LIPA: variants seen among roughly 807,000 people sequenced by gnomAD.
LIPA encodes the protein lysosomal acid lipase/cholesteryl ester hydrolase.
Under a neutral mutation model 40.6 loss-of-function variants are expected in LIPA, and 26 were observed. The ratio of observed to expected loss-of-function variants is 0.64; its 90% confidence interval spans 0.47 to 0.89. The LOEUF is 0.89. Ranked by LOEUF, LIPA falls within the 40% of genes least tolerant of loss-of-function variation. The probability of loss-of-function intolerance (pLI) is 0.00; values close to 1 mark genes in which losing one functional copy is unlikely to be tolerated. For missense variants in LIPA, 455 were observed against 479.6 expected, an observed-to-expected ratio of 0.95 and a Z score of 0.48; for synonymous variants, 188 against 168.4, an observed-to-expected ratio of 1.12 and a Z score of -0.90.
intron 2 of LIPA, among the ~76,000 whole-genome samples, chr10:89,382,754 C>A (rs1270321883): frequency 6.6e-6 from 1 of 152,254 alleles, no homozygotes. Context: ...TAAGTGCACA[C>A]AGGCAAAGGA....
intron 2 of LIPA, chr10:89,378,053 C>T: frequency 6.8e-7 from 1 of 1,477,148 alleles, no homozygotes; most frequent in Non-Finnish European, 9.5e-7. Context: ...TCTGAGAAGC[C>T]CTAGAACTCT....
intron 1 of LIPA, among the ~76,000 whole-genome samples, chr10:89,315,734 A>G (rs1843538041): frequency 6.6e-6 from 1 of 152,214 alleles, no homozygotes; most frequent in Non-Finnish European, 1.5e-5. Context: ...TTGGAAAGCT[A>G]AACAGCTCAC....
chr10:89,384,745 G>A, intron 2 of LIPA: 1 of 1,582,962 alleles, frequency 6.3e-7, no homozygotes, highest in Non-Finnish European at 8.6e-7. Context: ...TTAACATAGA[G>A]GTCACCATTA....
intron 2 of LIPA, among the ~76,000 whole-genome samples, chr10:89,386,946 AGTGTGT>A (rs756939371): frequency 5.6e-5 from 7 of 125,870 alleles, no homozygotes; most frequent in African/African-American, 1.4e-4. Flanking sequence ...TGGGTATATG[AGTGTGT>A]GTGTGTGTGT....
intron 1 of LIPA, among the ~76,000 whole-genome samples, chr10:89,273,436 T>A (rs1843275677): frequency 6.6e-6 from 1 of 152,088 alleles, no homozygotes; most frequent in Non-Finnish European, 1.5e-5. Context: ...ATAAACACAG[T>A]GTCAATGTAG....
At chr10:89,227,102 A>G in intron 4 of LIPA, 98 bp from the exon 5 acceptor site, 1 of 808,566 alleles carries the variant, frequency 1.2e-6, no homozygotes, top group Non-Finnish European at 2.1e-6. Flanking sequence ...CAAACTAAAC[A>G]CAGCTGGGAA....
chr10:89,334,507 TTTTTTTG>T, intron 1 of LIPA, among the ~76,000 whole-genome samples: 1 of 104,752 alleles, frequency 9.5e-6, no homozygotes, highest in Non-Finnish European at 1.9e-5. Context: ...TTTTTTTTTT[TTTTTTTG>T]AGACGGAGTT....
At chr10:89,413,117 G>A (rs1287483613) in intron 1 of LIPA, among the ~76,000 whole-genome samples, 1 of 152,156 alleles carries the variant, frequency 6.6e-6, no homozygotes, top group Non-Finnish European at 1.5e-5. Flanking sequence ...TTTGGTTTCT[G>A]TTCCTGCATT....
intron 2 of LIPA, among the ~76,000 whole-genome samples, chr10:89,355,201 C>G (rs920787923): frequency 6.6e-6 from 1 of 152,320 alleles, no homozygotes. Context: ...ATTCAGTCTC[C>G]GCTCCTCCCC....
intron 1 of LIPA, among the ~76,000 whole-genome samples, chr10:89,325,202 G>A (rs1037772690): frequency 3.3e-5 from 5 of 152,120 alleles, no homozygotes; most frequent in African/African-American, 1.2e-4. Context: ...TTATTAAAAA[G>A]TCAACAAAAA....
At chr10:89,277,241 G>A (rs914967713) in intron 1 of LIPA, among the ~76,000 whole-genome samples, 2 of 152,200 alleles carry the variant, frequency 1.3e-5, no homozygotes, top group Admixed American at 1.3e-4. Flanking sequence ...AGGAAATAGC[G>A]TTACTGCATT....
intron 4 of LIPA, among the ~76,000 whole-genome samples, chr10:89,227,978 AT>A (rs1842791597): frequency 6.6e-6 from 1 of 152,240 alleles, no homozygotes; most frequent in Admixed American, 6.5e-5. Context: ...TAACTTAAGA[AT>A]TCCTAACTAA....
chr10:89,283,147 A>AC (rs1220021202), intron 1 of LIPA, among the ~76,000 whole-genome samples: 1 of 152,212 alleles, frequency 6.6e-6, no homozygotes, highest in Non-Finnish European at 1.5e-5. Flanking sequence ...GTGTAAACAG[A>AC]CTGTAACCTA....
intron 1 of LIPA, among the ~76,000 whole-genome samples, chr10:89,289,892 C>T (rs1843363123): frequency 1.3e-5 from 2 of 151,948 alleles, no homozygotes; most frequent in African/African-American, 2.4e-5. Flanking sequence ...CTCAGTCACT[C>T]TCTCCTAGCC....
chr10:89,318,670 C>T (rs1016385449), intron 1 of LIPA, among the ~76,000 whole-genome samples: 5 of 152,158 alleles, frequency 3.3e-5, no homozygotes, highest in Non-Finnish European at 5.9e-5. Context: ...AGAAAGTTAA[C>T]AAGGATATCC....
At chr10:89,369,759 G>A (rs1422047720) in intron 2 of LIPA, among the ~76,000 whole-genome samples, 1 of 152,166 alleles carries the variant, frequency 6.6e-6, no homozygotes, top group Non-Finnish European at 1.5e-5. Context: ...TTAGATACTA[G>A]CACACAGATC....
intron 1 of LIPA, chr10:89,305,997 G>A (rs757386735): frequency 7.4e-6 from 12 of 1,613,728 alleles, no homozygotes; most frequent in East Asian, 2.2e-5. Context: ...AGCAGCCTAC[G>A]GCAACTAAAA....
At chr10:89,390,954 C>T (rs183835241) in intron 2 of LIPA, among the ~76,000 whole-genome samples, 1 of 152,296 alleles carries the variant, frequency 6.6e-6, no homozygotes, top group East Asian at 1.9e-4. Flanking sequence ...CAAGACAAAA[C>T]CTGTCCTATT....
At chr10:89,374,915 T>C (rs1036451388) in intron 2 of LIPA, among the ~76,000 whole-genome samples, 2 of 152,148 alleles carry the variant, frequency 1.3e-5, no homozygotes, top group African/African-American at 2.4e-5. Flanking sequence ...GATGGGAATA[T>C]GTAGATTGCC....
Sources: gnomAD v4.1 joint callset for allele counts (sites outside exome capture counted in the v4.1 genomes callset) on GRCh38, gnomAD v4.1.1 for gene constraint, MANE v1.5 for transcripts, NCBI Gene and HGNC (gene_info 2026-07-23, HGNC 2026-07-21) for gene names.